The following RORA variants were observed in gnomAD, a reference collection of about 807,000 sequenced individuals.
RORA encodes the protein nuclear receptor ROR-alpha.
RORA carries 7 observed loss-of-function variants against 69.5 expected under a neutral mutation model. The observed-to-expected ratio is 0.10, with a 90% CI of 0.06 to 0.19. The LOEUF is 0.19. RORA is among the 10% of genes least tolerant of loss of function. The probability of loss-of-function intolerance (pLI) is 1.00; values close to 1 mark genes in which losing one functional copy is unlikely to be tolerated. For missense variants in RORA, 457 were observed against 663.0 expected (o/e 0.69, Z 3.41); for synonymous variants, 261 against 240.8 (o/e 1.08, Z -0.78).
chr15:60,863,479 C>A (rs1318739491), intron 1 of RORA, among the ~76,000 whole-genome samples: 1 of 152,160 alleles, frequency 6.6e-6, no homozygotes, highest in Non-Finnish European at 1.5e-5. Flanking sequence ...ATAGAATGAA[C>A]AGCACTCAAA....
intron 1 of RORA, among the ~76,000 whole-genome samples, chr15:60,832,939 G>C (rs11852264): frequency 0.46 from 69,187 of 151,210 alleles, 17,017 homozygotes; most frequent in Non-Finnish European, 0.55. Flanking sequence ...GAGTCTCACT[G>C]TGTCGCCCAG....
At chr15:60,822,015 G>A (rs575095083) in intron 1 of RORA, among the ~76,000 whole-genome samples, 26 of 152,086 alleles carry the variant, frequency 1.7e-4, no homozygotes, top group Non-Finnish European at 2.8e-4. Context: ...ACAGAAGCAC[G>A]GAATTTTAGA....
chr15:60,567,586 T>G (rs567486172), intron 2 of RORA, among the ~76,000 whole-genome samples: 1 of 152,108 alleles, frequency 6.6e-6, no homozygotes, highest in East Asian at 1.9e-4. Context: ...AATTTTTGTA[T>G]TTTTAGTGGA....
At chr15:60,823,181 T>TATTC (rs2072916960) in intron 1 of RORA, among the ~76,000 whole-genome samples, 1 of 150,688 alleles carries the variant, frequency 6.6e-6, no homozygotes, top group African/African-American at 2.4e-5. Flanking sequence ...CCTTTCCTCC[T>TATTC]CTTCCTTCCT....
chr15:60,993,571 G>A (rs28583026), intron 1 of RORA, among the ~76,000 whole-genome samples: 3,722 of 150,644 alleles, frequency 0.025, 158 homozygotes, highest in African/African-American at 0.086. Flanking sequence ...TGAACCCAGG[G>A]GGCGGAGGTT....
chr15:60,791,079 A>G (rs341442), intron 1 of RORA, among the ~76,000 whole-genome samples: 149 of 152,182 alleles, frequency 9.8e-4, no homozygotes, highest in African/African-American at 3.5e-3. Context: ...CTTTGGTATC[A>G]AAAAGTCTGG....
intron 1 of RORA, among the ~76,000 whole-genome samples, chr15:61,149,002 A>G (rs560366440): frequency 5.6e-4 from 85 of 152,300 alleles, no homozygotes; most frequent in African/African-American, 1.8e-3. Context: ...ACATCAGACA[A>G]TGTGCTCGGT....
chr15:60,801,120 C>G (rs2072574912), intron 1 of RORA, among the ~76,000 whole-genome samples: 1 of 152,206 alleles, frequency 6.6e-6, no homozygotes, highest in Admixed American at 6.5e-5. Context: ...CTACTGCCAA[C>G]CCTTAGGAAC....
chr15:60,545,514 C>G (rs1202710031), intron 2 of RORA, among the ~76,000 whole-genome samples: 3 of 152,188 alleles, frequency 2.0e-5, no homozygotes, highest in African/African-American at 7.2e-5. Context: ...TAGTATGGAA[C>G]TTAACACTGT....
intron 1 of RORA, among the ~76,000 whole-genome samples, chr15:61,185,774 A>T (rs2079735398): frequency 1.3e-5 from 2 of 151,922 alleles, no homozygotes. Context: ...GCCTAATCTC[A>T]TCTCTTCCCC....
intron 1 of RORA, among the ~76,000 whole-genome samples, chr15:60,731,159 C>A (rs1375078219): frequency 1.3e-5 from 2 of 152,142 alleles, no homozygotes; most frequent in African/African-American, 4.8e-5. Flanking sequence ...CTTTGGTGAG[C>A]CATATGGAGT....
At chr15:60,634,757 A>T (rs904412085) in intron 2 of RORA, among the ~76,000 whole-genome samples, 3 of 152,044 alleles carry the variant, frequency 2.0e-5, no homozygotes, top group Non-Finnish European at 4.4e-5. Flanking sequence ...AAGCCCAGGT[A>T]ATTTTCCCCC....
In RORA at chr15:61,061,935, C is replaced by T. The variant is rs1406189680; in HGVS notation, c.166+167118G>A. Among the ~76,000 whole-genome samples, 4 of 152,038 alleles carry T rather than the reference C, an allele frequency of 2.6e-5. No individual in the cohort carries two copies. Among genetic ancestry groups the T allele is most frequent in the East Asian group, 3.9e-4 (2 of 5,166 alleles). ...AAAATTAGCCAGGTGTGGTGGTGGG[C>T]GCCTGTAATGCCAGCTACTTGGGAG... On this transcript the variant is annotated intron_variant, in intron 1 of 10. Transcript: ENST00000335670. The surrounding 1 kb of genome is among the most constrained non-coding windows in gnomAD (Gnocchi z 4.4).
At chr15:60,843,031 C>T (rs1370345095) in intron 1 of RORA, among the ~76,000 whole-genome samples, 1 of 152,134 alleles carries the variant, frequency 6.6e-6, no homozygotes. Context: ...CCACACCCCT[C>T]GTGAAACTCC....
chr15:61,146,386 T>C (rs2079349452), intron 1 of RORA, among the ~76,000 whole-genome samples: 2 of 152,054 alleles, frequency 1.3e-5, no homozygotes, highest in South Asian at 4.2e-4. Context: ...ACAGATTAAT[T>C]GTTGCTGCTT....
chr15:60,885,132 A>C (rs1044300615), intron 1 of RORA, among the ~76,000 whole-genome samples: 1 of 152,214 alleles, frequency 6.6e-6, no homozygotes, highest in Non-Finnish European at 1.5e-5. Context: ...ACTGGCCTTG[A>C]ATCTGGACTG....
At chr15:60,596,559 T>A (rs145795766) in intron 2 of RORA, among the ~76,000 whole-genome samples, 11 of 152,066 alleles carry the variant, frequency 7.2e-5, no homozygotes, top group African/African-American at 2.7e-4. Flanking sequence ...TATGGACACA[T>A]CACAAACTAA....
chr15:60,630,905 T>TTTTTTTTTG (rs1270052005), intron 2 of RORA, among the ~76,000 whole-genome samples: 1 of 149,060 alleles, frequency 6.7e-6, no homozygotes, highest in Non-Finnish European at 1.5e-5. Flanking sequence ...TTTTTTTTTT[T>TTTTTTTTTG]GAGACGGAGT....
intron 1 of RORA, among the ~76,000 whole-genome samples, chr15:60,719,542 T>C (rs1179227726): frequency 6.6e-6 from 1 of 152,140 alleles, no homozygotes; most frequent in Non-Finnish European, 1.5e-5. Flanking sequence ...ATGCAGAGAA[T>C]AGGTGCAAAA....
Sources: gnomAD v4.1 joint callset for allele counts (sites outside exome capture counted in the v4.1 genomes callset) on GRCh38, gnomAD v4.1.1 for gene constraint, Gnocchi (gnomAD v3.1) non-coding constraint, MANE v1.5 for transcripts, NCBI Gene and HGNC (gene_info 2026-07-23, HGNC 2026-07-21) for gene names.